CNGB3: variants seen among roughly 807,000 people sequenced by gnomAD.
The protein encoded by CNGB3 is cyclic nucleotide-gated channel beta-3.
Under a neutral mutation model 92.8 loss-of-function variants are expected in CNGB3, and 86 were observed. The observed-to-expected ratio is 0.93, with a 90% CI of 0.78 to 1.11. CNGB3 has a LOEUF of 1.11. Among genes scored for constraint, CNGB3 ranks in the 50% least tolerant of loss-of-function variants. The pLI is 0.00. For missense variants in CNGB3, 1,026 were observed against 956.8 expected (o/e 1.07, Z -0.95); for synonymous variants, 333 against 332.7 (o/e 1.00, Z -0.01).
intron 13 of CNGB3, among the ~76,000 whole-genome samples, chr8:86,623,142 A>G (rs917251670): frequency 6.6e-6 from 1 of 152,128 alleles, no homozygotes; most frequent in African/African-American, 2.4e-5. Flanking sequence ...ATCTTAAGTG[A>G]TCACATTGAG....
At chr8:86,738,671 C>T (rs956497619) in intron 2 of CNGB3, among the ~76,000 whole-genome samples, 8 of 106,312 alleles carry the variant, frequency 7.5e-5, no homozygotes, top group African/African-American at 3.5e-4. Context: ...AACCCCGTCT[C>T]TACTAAAAAT....
At chr8:86,717,984 C>G (rs1457718355) in intron 3 of CNGB3, among the ~76,000 whole-genome samples, 1 of 151,984 alleles carries the variant, frequency 6.6e-6, no homozygotes, top group Non-Finnish European at 1.5e-5. Flanking sequence ...GTGACACAAC[C>G]TATCAAAACC....
chr8:86,697,139 T>C (rs1355239085), intron 3 of CNGB3, among the ~76,000 whole-genome samples: 1 of 152,200 alleles, frequency 6.6e-6, no homozygotes, highest in African/African-American at 2.4e-5. Flanking sequence ...TAACATATTT[T>C]GGGTGGATAG....
At chr8:86,584,831 C>CT (rs1404750937) in intron 15 of CNGB3, among the ~76,000 whole-genome samples, 1 of 152,150 alleles carries the variant, frequency 6.6e-6, no homozygotes, top group Non-Finnish European at 1.5e-5. Flanking sequence ...AACATAAAGA[C>CT]TTTTTTGATT....
At chr8:86,711,471 T>G (rs1824748965) in intron 3 of CNGB3, among the ~76,000 whole-genome samples, 2 of 152,330 alleles carry the variant, frequency 1.3e-5, no homozygotes, top group South Asian at 2.1e-4. Context: ...TCCAATTTCC[T>G]TCTTTCTATG....
chr8:86,621,630 AC>A (rs1192194221), intron 13 of CNGB3, among the ~76,000 whole-genome samples: 2 of 151,188 alleles, frequency 1.3e-5, no homozygotes, highest in South Asian at 4.2e-4. Flanking sequence ...TTTATCCTTC[AC>A]CCCCCTTCCC....
rs999921351 is a variant in CNGB3, at chr8:86,628,939, C to T, written c.1460G>A (p.Trp487Ter). 1.2e-6 allele frequency: 2 copies of T among 1,613,706 alleles called. No homozygotes were observed. The highest frequency in any genetic ancestry group is 1.7e-6 in the Non-Finnish European group (2 of 1,179,842). ...KRVRTWYEYT[W>*]DSQRMLDESD... ...CTTACCTAGCATTCTTTGAGAGTCCCATGTATATTCATACCAAGTCCGAAC... is the reference window on the plus strand; with the variant it reads ...CTTACCTAGCATTCTTTGAGAGTCCTATGTATATTCATACCAAGTCCGAAC... The change falls in exon 12 of 18, where the codon TGG (tryptophan) becomes TAG (stop). Residue 487 changes from tryptophan (W) to a stop codon, truncating the protein, a stop_gained. Transcript: ENST00000320005. LOFTEE classifies it high-confidence loss of function.
chr8:86,625,954 C>A (rs758614680), intron 13 of CNGB3, 29 bp downstream of exon 13: 1 of 1,532,842 alleles, frequency 6.5e-7, no homozygotes. Context: ...GAAATAGATA[C>A]AGAGTCTATT....
chr8:86,667,955 G>A lies in CNGB3; in HGVS notation c.643+64C>T, dbSNP rs1237808292. 2.6e-6 allele frequency: 4 copies of A among 1,530,990 alleles called. No homozygotes were observed. In the African/African-American group the frequency reaches 5.5e-5, roughly 21 times the overall value. The allele number at this position is 1,530,990 out of a possible 1,614,324, so 94.8% of individuals were successfully genotyped here. A position where few individuals can be genotyped will look rare whatever the true frequency, so the allele number is the denominator to read the frequency against. On this transcript the variant is annotated intron_variant, in intron 5 of 17. Transcript: ENST00000320005. ...GAAAATAGAAGCTATCTGTGACTTT[G>A]AGTCACAGGGTTTCTTGGTGATAGC...
In CNGB3 at chr8:86,632,842, G is replaced by A; in HGVS notation, c.1230C>T (p.Gly410=). ...WAVRTLITIG[G]LPEPQTLFEI... is the part of the protein sequence containing the mutation. ...CAAATAAAGTTTGTGGTTCTGGAAG[G>A]CCACCAATGGTAATTAAAGTTCGAA... Residue 410 remains glycine (G), a synonymous_variant, in exon 11 of 18, where the codon GGC becomes GGT. Coordinates refer to ENST00000320005, the MANE Select transcript of CNGB3 (RefSeq NM_019098.5). 1 of 1,612,660 alleles carries A rather than the reference G, an allele frequency of 6.2e-7. No individual in the cohort carries two copies. Among genetic ancestry groups the A allele is most frequent in the Non-Finnish European group, 8.5e-7 (1 of 1,179,694 alleles).
chr8:86,643,348 C>T (rs1307946725), intron 10 of CNGB3, among the ~76,000 whole-genome samples: 1 of 151,258 alleles, frequency 6.6e-6, no homozygotes, highest in Non-Finnish European at 1.5e-5. Context: ...AAACTATAGT[C>T]ACCCTACTCT....
rs771659828 is a variant in CNGB3, at chr8:86,739,693, G to A, written c.173C>T (p.Thr58Ile). 6.2e-7 allele frequency: 1 copy of A among 1,610,856 alleles called. No individual in the cohort carries two copies. Among genetic ancestry groups the A allele is most frequent in the Non-Finnish European group, 8.5e-7 (1 of 1,179,554 alleles). Residue 58 changes from threonine to isoleucine, a missense_variant, in exon 2 of 18, where the codon ACT becomes ATT. By Grantham distance (89) the Thr-to-Ile change is moderately conservative. Coordinates refer to ENST00000320005, the MANE Select transcript of CNGB3 (RefSeq NM_019098.5). ...GEEKSLKTKS[T>I]PVTSEEPHTN... ...GTGTGGCTCTTCAGACGTGACTGGA[G>A]TTGACTTGGTTTTGAGAGATTTCTC...
chr8:86,739,827 C>G (rs1433251329), intron 1 of CNGB3, 91 bp from the exon 2 acceptor site: 1 of 1,381,914 alleles, frequency 7.2e-7, no homozygotes, highest in East Asian at 2.3e-5. Flanking sequence ...ACTTAATTGT[C>G]AATCAGATCA....
intron 10 of CNGB3, among the ~76,000 whole-genome samples, chr8:86,638,885 C>A (rs1173901376): frequency 2.6e-5 from 4 of 151,386 alleles, no homozygotes; most frequent in Non-Finnish European, 4.4e-5. Flanking sequence ...CCAAGGGTGA[C>A]CCTCTAGGAA....
intron 2 of CNGB3, among the ~76,000 whole-genome samples, chr8:86,730,360 T>C (rs1825137836): frequency 6.6e-6 from 1 of 152,184 alleles, no homozygotes; most frequent in Non-Finnish European, 1.5e-5. Context: ...AGACACTCAG[T>C]TGGCTTGTTT....
chr8:86,605,336 GC>G (rs1215404599), intron 14 of CNGB3, among the ~76,000 whole-genome samples: 6 of 152,114 alleles, frequency 3.9e-5, no homozygotes, highest in African/African-American at 1.4e-4. Context: ...GACCTAAATG[GC>G]ACTTAGGTCA....
chr8:86,668,377 C>G lies in CNGB3; in HGVS notation c.494-209G>C, dbSNP rs150851940. 6.6e-3 allele frequency among the ~76,000 whole-genome samples: 999 copies of G among 152,060 alleles called. 16 individuals carry two copies. The highest frequency in any genetic ancestry group is 0.023 in the African/African-American group (950 of 41,466). On this transcript the variant is annotated intron_variant, in intron 4 of 17. Transcript: ENST00000320005. ...GGGAGGGATAACATTAGGAAAAATA[C>G]CTAATGTAGATGATGGGATGATGGG... is the stretch of plus-strand genomic sequence containing the variant.
intron 15 of CNGB3, among the ~76,000 whole-genome samples, chr8:86,599,424 C>A (rs913499020): frequency 2.2e-4 from 33 of 152,154 alleles, no homozygotes; most frequent in African/African-American, 7.7e-4. Flanking sequence ...GAAAAAAGAA[C>A]AGGATAACAG....
chr8:86,726,878 T>G (rs1825069326), intron 2 of CNGB3, among the ~76,000 whole-genome samples: 1 of 152,206 alleles, frequency 6.6e-6, no homozygotes, highest in Non-Finnish European at 1.5e-5. Context: ...TGCTATTTAA[T>G]GACAGAGATA....
Sources: allele counts gnomAD v4.1 joint callset (sites outside exome capture counted in the v4.1 genomes callset), GRCh38; gene constraint gnomAD v4.1.1; transcripts MANE v1.5; gene names NCBI Gene and HGNC (gene_info 2026-07-23, HGNC 2026-07-21).